Variants in NCKAP1L observed in about 807,000 individuals in gnomAD.
NCKAP1L encodes NCK associated protein 1 like, also known as nck-associated protein 1-like.
A neutral mutation model predicts 139.2 loss-of-function variants in NCKAP1L; 53 were observed. That is an observed-to-expected ratio of 0.38 (90% CI 0.31 to 0.48). NCKAP1L has a LOEUF of 0.48. Ranked by LOEUF, NCKAP1L falls within the 20% of genes least tolerant of loss-of-function variation. NCKAP1L has a pLI of 0.98. For missense variants in NCKAP1L, 1,151 were observed against 1,381.9 expected (o/e 0.83, Z 2.65); for synonymous variants, 468 against 499.7 (o/e 0.94, Z 0.85).
rs146168841 is a variant in NCKAP1L at position 54,512,079 on chromosome 12, C to T, written c.915C>T (p.Thr305=). 1.0e-3 allele frequency: 1,667 copies of T among 1,614,020 alleles called. No homozygotes were observed. The highest frequency in any genetic ancestry group is 1.1e-3 in the Non-Finnish European group (1,342 of 1,179,986). ...REDVLQVHKV[T]EDLFSSLKGY... ...ATGTGCTGCAGGTGCACAAAGTCAC[C>T]GAGGACCTGTTTAGCAGTTTGAAAG... The change falls in exon 9 of 31, where the codon ACC becomes ACT. Residue 305 remains threonine (T), a synonymous_variant. Transcript: ENST00000293373.
At chr12:54,501,246 A>C (rs1401820445) in intron 3 of NCKAP1L, among the ~76,000 whole-genome samples, 3 of 152,192 alleles carry the variant, frequency 2.0e-5, no homozygotes, top group African/African-American at 7.2e-5. Context: ...CATCAGCCTA[A>C]TGTCCTTAAG....
At chr12:54,532,802 C>A (rs1957083468) in intron 26 of NCKAP1L, among the ~76,000 whole-genome samples, 1 of 152,178 alleles carries the variant, frequency 6.6e-6, no homozygotes, top group African/African-American at 2.4e-5. Flanking sequence ...ATAAGTTAAG[C>A]ATCCATTTCC....
In NCKAP1L at chr12:54,504,244, T is replaced by C. The variant is rs147315734; in HGVS notation, c.307-3609T>C. Among the ~76,000 whole-genome samples, 363 of 152,238 alleles carry C rather than the reference T, an allele frequency of 2.4e-3. 2 individuals are homozygous for C. The highest frequency in any genetic ancestry group is 7.9e-3 in the African/African-American group (328 of 41,550). ...TTTAGCCCTCTGAGCAACCCAAGCT[T>C]GTGGTGGTGTTATAGTATTTTTTCA... is the stretch of plus-strand genomic sequence containing the variant. On this transcript the variant is annotated intron_variant, in intron 3 of 30. Coordinates refer to ENST00000293373, the MANE Select transcript of NCKAP1L (RefSeq NM_005337.5).
At position 54,508,484 on chromosome 12, in the gene NCKAP1L, A is replaced by G. The variant is rs1215990764; in HGVS notation, c.459A>G (p.Ile153Met). 6 of 1,613,998 alleles carry G rather than the reference A, an allele frequency of 3.7e-6. No homozygotes were observed. The highest frequency in any genetic ancestry group is 5.1e-6 in the Non-Finnish European group (6 of 1,180,000). The change falls in exon 5 of 31, where the codon ATA (isoleucine) becomes ATG (methionine). Residue 153 changes from isoleucine (I) to methionine (M), a missense_variant. By Grantham distance (10) the Ile-to-Met change is conservative. Transcript: ENST00000293373. Reference protein sequence around the residue: ...LLLSRIEDRRILIGMYNCAHE... With the variant: ...LLLSRIEDRRMLIGMYNCAHE... ...TGTCACGGATTGAAGATCGGCGGATACTCATTGGCATGTACAATTGTGCCC... is the reference window on the plus strand; with the variant it reads ...TGTCACGGATTGAAGATCGGCGGATGCTCATTGGCATGTACAATTGTGCCC...
chr12:54,521,520 G>T lies in NCKAP1L; in HGVS notation c.1878+282G>T, dbSNP rs117843003. On this transcript the variant is annotated intron_variant, in intron 18 of 30. Transcript: ENST00000293373. ...TCTCACTTGAAGAGTTCTGAGAGAT[G>T]AGTTAACTTTCTAATTTACCCCTCC... 9.9e-3 allele frequency among the ~76,000 whole-genome samples: 1,514 copies of T among 152,318 alleles called. 13 individuals are homozygous for T. The highest frequency in any genetic ancestry group is 0.044 in the Middle Eastern group (13 of 294).
intron 18 of NCKAP1L, 121 bp from the exon 19 acceptor site, chr12:54,523,271 AAG>A (rs1166432995): frequency 8.7e-7 from 1 of 1,151,596 alleles, no homozygotes; most frequent in East Asian, 2.4e-5. Context: ...TGTGGAAGGA[AAG>A]AGAGAGGAAG....
intron 3 of NCKAP1L, among the ~76,000 whole-genome samples, chr12:54,502,454 T>A (rs910331121): frequency 6.6e-6 from 1 of 152,362 alleles, no homozygotes; most frequent in African/African-American, 2.4e-5. Context: ...AATATTGTTA[T>A]ACTCTTCTCC....
At chr12:54,519,434 T>TTTC in intron 16 of NCKAP1L, 102 bp downstream of exon 16, 1 of 961,098 alleles carries the variant, frequency 1.0e-6, no homozygotes, top group Non-Finnish European at 1.4e-6. Context: ...GTTTAATTTT[T>TTTC]TTTTTTTTTT....
In NCKAP1L at chr12:54,520,844, C is replaced by G. The variant is rs1427816996; in HGVS notation, c.1758+18C>G. 6.2e-7 allele frequency: 1 copy of G among 1,613,990 alleles called. No homozygotes were observed. The highest frequency in any genetic ancestry group is 2.2e-5 in the East Asian group (1 of 44,868). ...CAGAGGAGGTAGGTATCCTGATCTC[C>G]AGACCCTGTCATCTTTCTAGTCATC... On this transcript the variant is annotated intron_variant, in intron 17 of 30. Coordinates refer to ENST00000293373, the MANE Select transcript of NCKAP1L (RefSeq NM_005337.5).
At chr12:54,529,088 C>A (rs144762568) in intron 22 of NCKAP1L, among the ~76,000 whole-genome samples, 1 of 152,268 alleles carries the variant, frequency 6.6e-6, no homozygotes, top group Non-Finnish European at 1.5e-5. Flanking sequence ...CTCATAACAG[C>A]CTTGGGGTAT....
chr12:54,524,295 T>C (rs964504225), intron 20 of NCKAP1L, among the ~76,000 whole-genome samples: 1 of 152,220 alleles, frequency 6.6e-6, no homozygotes, highest in African/African-American at 2.4e-5. Context: ...TCCAACTTAT[T>C]TGAACCAGTT....
intron 9 of NCKAP1L, among the ~76,000 whole-genome samples, chr12:54,513,786 A>C (rs1159882926): frequency 6.6e-6 from 1 of 152,202 alleles, no homozygotes; most frequent in East Asian, 1.9e-4. Flanking sequence ...GCTCTTTCAA[A>C]GTTTGACTGT....
intron 9 of NCKAP1L, among the ~76,000 whole-genome samples, chr12:54,515,293 G>A (rs1033073626): frequency 6.6e-6 from 1 of 152,208 alleles, no homozygotes; most frequent in Non-Finnish European, 1.5e-5. Flanking sequence ...TTGGAGAAGG[G>A]AAAGGAGAGG....
Position 54,519,222 on chromosome 12 carries a change from G to A in NCKAP1L, c.1515G>A (p.Leu505=), listed in dbSNP as rs751669794. ...YTSVAKAPLH[L]HENPDLAKVM... ...GCGTGGCTAAGGCCCCTCTGCACCT[G>A]CATGAGAACCCTGACTTAGCCAAGG... Residue 505 remains leucine, a synonymous_variant, in exon 16 of 31, where the codon CTG becomes CTA. Coordinates refer to ENST00000293373, the MANE Select transcript of NCKAP1L (RefSeq NM_005337.5). 2.5e-6 allele frequency: 4 copies of A among 1,579,188 alleles called. No homozygotes were observed. The East Asian group carries it at 8.9e-5, about 35-fold the overall frequency.
chr12:54,500,202 C>A (rs552417468), intron 2 of NCKAP1L, among the ~76,000 whole-genome samples: 1 of 152,028 alleles, frequency 6.6e-6, no homozygotes, highest in East Asian at 1.9e-4. Context: ...TGGCTCACTG[C>A]AACCTCTGCT....
At chr12:54,531,633 G>T (rs1957072666) in intron 24 of NCKAP1L, 49 bp downstream of exon 24, 2 of 1,606,132 alleles carry the variant, frequency 1.2e-6, no homozygotes, top group Non-Finnish European at 1.7e-6. Flanking sequence ...GAATCACATT[G>T]CAGATGACAG....
At chr12:54,512,144 G>A (rs1383360912) in intron 9 of NCKAP1L, 39 bp downstream of exon 9, 2 of 1,600,078 alleles carry the variant, frequency 1.2e-6, no homozygotes, top group Admixed American at 1.7e-5. Context: ...TCCTTGAATA[G>A]TTTTTAGCCC....
In NCKAP1L at chr12:54,507,907, A is replaced by C. The variant is rs200646912; in HGVS notation, c.361A>C (p.Ile121Leu). 2 of 1,613,764 alleles carry C rather than the reference A, an allele frequency of 1.2e-6. No homozygotes were observed. Among genetic ancestry groups the C allele is most frequent in the Non-Finnish European group, 1.7e-6 (2 of 1,179,798 alleles). ...TIDACQCHFD[I>L]NLNFDFTRSY... ...TGATGCCTGCCAGTGCCATTTTGAT[A>C]TCGTAAGAACCTTTGCAATTCTCTT... Residue 121 changes from isoleucine to leucine, a missense_variant and splice_region_variant, in exon 4 of 31, where the codon ATC (isoleucine) becomes CTC (leucine). Coordinates refer to ENST00000293373, the MANE Select transcript of NCKAP1L (RefSeq NM_005337.5).
chr12:54,531,442 A>G (rs924744663), intron 23 of NCKAP1L, 49 bp from the exon 24 acceptor site: 7 of 1,608,110 alleles, frequency 4.4e-6, no homozygotes, highest in Middle Eastern at 3.3e-4. Flanking sequence ...AAGATGTAAC[A>G]TTGGTCTCTT....
Sources: allele counts gnomAD v4.1 joint callset (sites outside exome capture counted in the v4.1 genomes callset), GRCh38; gene constraint gnomAD v4.1.1; transcripts MANE v1.5; gene names NCBI Gene and HGNC (gene_info 2026-07-23, HGNC 2026-07-21).